Variants in PZP observed in about 807,000 individuals in gnomAD.
PZP encodes PZP alpha-2-macroglobulin like, also known as pregnancy zone protein.
In PZP, 150 loss-of-function variants were observed where a neutral mutation model predicts 179.8. The observed-to-expected ratio is 0.83, with a 90% CI of 0.73 to 0.96. PZP has a LOEUF of 0.96. Among genes scored for constraint, PZP ranks in the 40% least tolerant of loss-of-function variants. The probability of loss-of-function intolerance (pLI) is 0.00; values close to 1 mark genes in which losing one functional copy is unlikely to be tolerated. For synonymous variants in PZP, 624 were observed against 652.3 expected (o/e 0.96, Z 0.66); for missense variants, 1,689 against 1,764.0 (o/e 0.96, Z 0.76).
chr12:9,155,543 C>T (rs1231311896), intron 28 of PZP, among the ~76,000 whole-genome samples: 1 of 152,082 alleles, frequency 6.6e-6, no homozygotes, highest in East Asian at 1.9e-4. Flanking sequence ...ATAGTTTCCA[C>T]TGTAGAAGTT....
intron 29 of PZP, 54 bp from the exon 30 acceptor site, chr12:9,153,397 A>AT: frequency 6.8e-7 from 1 of 1,478,770 alleles, no homozygotes; most frequent in Non-Finnish European, 9.4e-7. Flanking sequence ...GGCATCTGGG[A>AT]TTTTCCCCCA....
chr12:9,138,744 A>G, the PZP span, among the ~76,000 whole-genome samples: 1 of 152,080 alleles, frequency 6.6e-6, no homozygotes, highest in African/African-American at 2.4e-5. Context: ...TTGGGAATTT[A>G]CACAATTCTT....
At chr12:9,152,417 T>C in intron 31 of PZP, 107 bp from the exon 32 acceptor site, 1 of 814,118 alleles carries the variant, frequency 1.2e-6, no homozygotes, top group Non-Finnish European at 2.1e-6. Flanking sequence ...AAGTTGTCCC[T>C]AATATTCTAC....
chr12:9,143,064 G>A, the PZP span, among the ~76,000 whole-genome samples: 1 of 152,174 alleles, frequency 6.6e-6, no homozygotes, highest in African/African-American at 2.4e-5. Flanking sequence ...CTCATAGCTT[G>A]GACATCGATT....
chr12:9,152,233 G>T lies in PZP; in HGVS notation c.4199C>A (p.Pro1400Gln), dbSNP rs1376969288. The T allele has an allele frequency of 7.5e-6, 12 of 1,606,066 alleles. No individual in the cohort carries two copies. Among genetic ancestry groups the T allele is most frequent in the Middle Eastern group, 3.3e-4 (2 of 6,026 alleles). ...AAATACACCTACCATTTTTACTGTT[G>T]GTTTCAGGGGAATAAAACCAGATAC... The part of the protein sequence containing the change: ...KMVSGFIPLK[P>Q]TVKMLERSSS... Residue 1400 changes from proline to glutamine, a missense_variant, in exon 32 of 36, where the codon CCA becomes CAA. Pro to Gln is a moderately conservative substitution (Grantham distance 76). Coordinates refer to ENST00000261336, the MANE Select transcript of PZP (RefSeq NM_002864.3).
chr12:9,162,015 G>A (rs1218891137), intron 22 of PZP, among the ~76,000 whole-genome samples: 9 of 152,114 alleles, frequency 5.9e-5, no homozygotes, highest in Admixed American at 2.6e-4. Context: ...AGGTTGGAGC[G>A]CAGTGGTGTG....
At position 9,153,178 on chromosome 12, in the gene PZP, G is replaced by A. The variant is rs553988708; in HGVS notation, c.3940C>T (p.Leu1314Phe). The change falls in exon 30 of 36, where the codon CTC becomes TTC. Residue 1314 changes from leucine to phenylalanine, a missense_variant. By Grantham distance (22) the Leu-to-Phe change is conservative (BLOSUM62 0). Around this residue, in one of 3 missense-constraint regions of PZP, gnomAD observed 746 missense variants for 749.2 expected, o/e 1.00. Transcript: ENST00000261336. ...ACTGTTATGACATATTCTCCAGGGA[G>A]CTCTGGCAATGAGATCTGCTGCAGT... ...LLLQQISLPELPGEYVITVTG... is the reference protein window; with the variant it reads ...LLLQQISLPEFPGEYVITVTG... The A allele has an allele frequency of 1.2e-6, 2 of 1,614,188 alleles. No individual in the cohort carries two copies. Among genetic ancestry groups the A allele is most frequent in the Non-Finnish European group, 1.7e-6 (2 of 1,180,016 alleles).
chr12:9,202,383 G>A lies in PZP; in HGVS notation c.428-12C>T. On this transcript the variant is annotated splice_polypyrimidine_tract_variant and intron_variant, in intron 3 of 35. Coordinates refer to ENST00000261336, the MANE Select transcript of PZP (RefSeq NM_002864.3). Reference sequence around the variant, plus strand: ...AACACGGAATCTTACTGGAAAAGTAGTTCTCCGATAAGATTCAGACATGAT... The same window carrying A: ...AACACGGAATCTTACTGGAAAAGTAATTCTCCGATAAGATTCAGACATGAT... The A allele has an allele frequency of 6.2e-7, 1 of 1,614,148 alleles. No individual in the cohort carries two copies. The highest frequency in any genetic ancestry group is 1.3e-5 in the African/African-American group (1 of 75,060).
At chr12:9,192,069 T>A in intron 13 of PZP, 124 bp downstream of exon 13, 2 of 785,804 alleles carry the variant, frequency 2.5e-6, no homozygotes, top group Non-Finnish European at 4.3e-6. Context: ...AGACGAGTAT[T>A]TTCCTGCGTG....
At chr12:9,161,160 T>C (rs1462453377) in intron 22 of PZP, 44 bp from the exon 23 acceptor site, 1 of 1,432,478 alleles carries the variant, frequency 7.0e-7, no homozygotes, top group Non-Finnish European at 9.6e-7. Flanking sequence ...CATCTATGAT[T>C]ACAATATAAT....
At chr12:9,160,976 T>C (rs1405094792) in intron 23 of PZP, 57 bp downstream of exon 23, 1 of 1,316,850 alleles carries the variant, frequency 7.6e-7, no homozygotes, top group Non-Finnish European at 1.1e-6. Flanking sequence ...AATACGTAGA[T>C]AAGATGTACA....
intron 27 of PZP, 118 bp downstream of exon 27, chr12:9,157,649 G>A: frequency 5.5e-6 from 5 of 915,574 alleles, no homozygotes; most frequent in Non-Finnish European, 6.8e-6. Flanking sequence ...TTATCAGTCT[G>A]AGAAATCCCT....
At chr12:9,163,296 CAAAAAAA>C (rs139918325) in intron 21 of PZP, among the ~76,000 whole-genome samples, 1 of 134,432 alleles carries the variant, frequency 7.4e-6, no homozygotes, top group African/African-American at 2.9e-5. Flanking sequence ...ACTAAAAATA[CAAAAAAA>C]AAAAAAAAAA....
chr12:9,147,140 A>T (rs1488119823), downstream of PZP, among the ~76,000 whole-genome samples: 2 of 152,028 alleles, frequency 1.3e-5, no homozygotes, highest in African/African-American at 4.8e-5. Context: ...ACATGGATCA[A>T]CTCTTTCTCT....
intron 7 of PZP, among the ~76,000 whole-genome samples, chr12:9,198,663 A>G (rs1475514292): frequency 1.3e-5 from 2 of 152,166 alleles, no homozygotes; most frequent in African/African-American, 4.8e-5. Flanking sequence ...CCTTTCTCTG[A>G]TTAGATAATG....
chr12:9,192,466 T>C (rs1365103869), intron 12 of PZP, 46 bp downstream of exon 12: 2 of 1,548,748 alleles, frequency 1.3e-6, no homozygotes, highest in Non-Finnish European at 1.8e-6. Flanking sequence ...TGACCACTTT[T>C]GTCCTACTGA....
intron 15 of PZP, among the ~76,000 whole-genome samples, chr12:9,180,367 G>C (rs1348272879): frequency 2.6e-5 from 4 of 152,142 alleles, no homozygotes; most frequent in Non-Finnish European, 5.9e-5. Flanking sequence ...AAAGAACAAA[G>C]CTGGAGGCAT....
In PZP at chr12:9,182,032, A is replaced by G; in HGVS notation, c.1632T>C (p.Asp544=). The G allele has an allele frequency of 6.2e-7, 1 of 1,613,850 alleles. No individual in the cohort carries two copies. The highest frequency in any genetic ancestry group is 8.5e-7 in the Non-Finnish European group (1 of 1,179,898). Residue 544 remains aspartate, a synonymous_variant, in exon 14 of 36, where the codon GAT becomes GAC. Transcript: ENST00000261336. Reference sequence around the variant, plus strand: ...TTTCAGAGTCTCCAACAACTTCTCCATCTGGTAAAATGGCAAAGATGAACA... The same window carrying G: ...TTTCAGAGTCTCCAACAACTTCTCCGTCTGGTAAAATGGCAAAGATGAACA... ...ARMFIFAILP[D]GEVVGDSEKF... is the part of the protein sequence containing the mutation.
At chr12:9,143,488 A>T in the PZP span, among the ~76,000 whole-genome samples, 56 of 152,118 alleles carry the variant, frequency 3.7e-4, 2 homozygotes, top group African/African-American at 1.3e-3. Flanking sequence ...AGGGGTTTAG[A>T]AGGAAGGAAT....
Sources: gnomAD v4.1 joint callset for allele counts (sites outside exome capture counted in the v4.1 genomes callset) on GRCh38, gnomAD v4.1.1 for gene constraint, gnomAD v4.1.1 regional missense constraint, MANE v1.5 for transcripts, NCBI Gene and HGNC (gene_info 2026-07-23, HGNC 2026-07-21) for gene names.